DLC1: variants seen among roughly 807,000 people sequenced by gnomAD.
The protein encoded by DLC1 is rho GTPase-activating protein 7.
A neutral mutation model predicts 140.3 loss-of-function variants in DLC1; 54 were observed. The ratio of observed to expected loss-of-function variants is 0.38; its 90% CI spans 0.31 to 0.48. DLC1 has a LOEUF of 0.48. Among genes scored for constraint, DLC1 ranks in the 20% least tolerant of loss-of-function variants. DLC1 has a pLI of 0.96. For missense variants in DLC1, 2,536 were observed against 1,907.0 expected, an observed-to-expected ratio of 1.33 and a Z score of -6.14; for synonymous variants, 986 against 728.1, an observed-to-expected ratio of 1.35 and a Z score of -5.70.
chr8:13,102,298 T>C lies in DLC1; in HGVS notation c.1566+492A>G, dbSNP rs1199782625. Among the ~76,000 whole-genome samples the C allele has an allele frequency of 2.6e-5, 4 of 152,180 alleles. No individual in the cohort carries two copies. The East Asian group carries it at 7.7e-4, about 29-fold the overall frequency. On this transcript the variant is annotated intron_variant, in intron 8 of 17. Transcript: ENST00000276297. ...CACCATTTGACTAAACTGTGTGGGA[T>C]CTCCTGCCTTCTCCTCTTCCTCTTC...
chr8:13,146,132 G>A lies in DLC1; in HGVS notation c.1349-30475C>T, dbSNP rs560465943. Among the ~76,000 whole-genome samples the A allele has an allele frequency of 3.9e-5, 6 of 152,064 alleles. No homozygotes were observed. In the South Asian group the frequency reaches 8.3e-4, roughly 21 times the overall value. On this transcript the variant is annotated intron_variant, in intron 5 of 17. Transcript: ENST00000276297. ...TACCAAAAACACAAAAAAATTAGCCGGACATAGTCGTGTGTGCATGTAGTC... is the reference window on the plus strand; with the variant it reads ...TACCAAAAACACAAAAAAATTAGCCAGACATAGTCGTGTGTGCATGTAGTC...
At chr8:13,576,288 G>A (rs530848891) in intron 1 of DLC1, among the ~76,000 whole-genome samples, 9 of 152,302 alleles carry the variant, frequency 5.9e-5, no homozygotes, top group African/African-American at 2.2e-4. Context: ...GATTGCTAAA[G>A]CCTCTACAGT....
intron 3 of DLC1, among the ~76,000 whole-genome samples, chr8:13,399,101 C>G (rs1837179826): frequency 6.6e-6 from 1 of 152,168 alleles, no homozygotes; most frequent in South Asian, 2.1e-4. Context: ...TGTGTCTGAA[C>G]TTCCCTACGG....
At chr8:13,133,036 G>T (rs1227896281) in intron 5 of DLC1, 20 of 1,583,126 alleles carry the variant, frequency 1.3e-5, no homozygotes, top group Non-Finnish European at 1.6e-5. Context: ...AGGCGGAGGC[G>T]GCTCGGCTTC....
At chr8:13,160,511 G>C (rs1192882624) in intron 5 of DLC1, among the ~76,000 whole-genome samples, 1 of 152,132 alleles carries the variant, frequency 6.6e-6, no homozygotes, top group East Asian at 1.9e-4. Flanking sequence ...TAGAAGGCTG[G>C]GCATTCCCAT....
At chr8:13,420,956 C>G (rs1474231088) in intron 2 of DLC1, among the ~76,000 whole-genome samples, 1 of 152,090 alleles carries the variant, frequency 6.6e-6, no homozygotes, top group Non-Finnish European at 1.5e-5. Context: ...AGTTTGAGCT[C>G]TTGGACGCTT....
At chr8:13,461,468 G>A (rs184628635) in intron 2 of DLC1, among the ~76,000 whole-genome samples, 2 of 152,070 alleles carry the variant, frequency 1.3e-5, no homozygotes, top group Non-Finnish European at 2.9e-5. Context: ...CCAAGGGCAG[G>A]CCTCTGCCTT....
chr8:13,131,476 C>T (rs1822073299), intron 5 of DLC1, among the ~76,000 whole-genome samples: 1 of 152,324 alleles, frequency 6.6e-6, no homozygotes, highest in East Asian at 1.9e-4. Context: ...CCGAAACAAC[C>T]TCTGAATCCT....
chr8:13,104,228 G>T (rs1563605904), intron 7 of DLC1, among the ~76,000 whole-genome samples: 1 of 151,780 alleles, frequency 6.6e-6, no homozygotes, highest in Non-Finnish European at 1.5e-5. Flanking sequence ...AAGCACTCAG[G>T]TAAGACTCTT....
At chr8:13,212,797 A>G (rs1207451557) in intron 5 of DLC1, among the ~76,000 whole-genome samples, 1 of 152,166 alleles carries the variant, frequency 6.6e-6, no homozygotes, top group African/African-American at 2.4e-5. Flanking sequence ...CAATATCACC[A>G]TATAACAGCT....
chr8:13,089,190 CA>C lies in DLC1; in HGVS notation c.4075-487del, dbSNP rs1230219399. 2.0e-3 allele frequency among the ~76,000 whole-genome samples: 296 copies of C among 151,746 alleles called. 1 individual carries two copies. Among genetic ancestry groups the C allele is most frequent in the African/African-American group, 7.0e-3 (287 of 41,270 alleles). ...AGGAGAATCACTTGAACCTAGGAGG[CA>C]CTTTGCAGTGAGCTGAGATCACACC... On this transcript the variant is annotated intron_variant, in intron 15 of 17. Coordinates refer to ENST00000276297, the MANE Select transcript of DLC1 (RefSeq NM_182643.3).
intron 2 of DLC1, among the ~76,000 whole-genome samples, chr8:13,403,964 C>T (rs1417594279): frequency 2.0e-5 from 3 of 151,944 alleles, no homozygotes; most frequent in African/African-American, 7.2e-5. Context: ...GTGAATCAAA[C>T]ATTTTTGAAA....
At chr8:13,266,507 G>C (rs1470668610) in intron 5 of DLC1, among the ~76,000 whole-genome samples, 1 of 152,186 alleles carries the variant, frequency 6.6e-6, no homozygotes, top group African/African-American at 2.4e-5. Context: ...CACTTTGGGA[G>C]GCTGAGGCAG....
At chr8:13,461,546 T>C (rs1428029447) in intron 2 of DLC1, among the ~76,000 whole-genome samples, 1 of 152,260 alleles carries the variant, frequency 6.6e-6, no homozygotes, top group Non-Finnish European at 1.5e-5. Context: ...TTATCTTCTG[T>C]AGTTTTTAAT....
At chr8:13,581,520 C>A (rs186604360) in intron 1 of DLC1, among the ~76,000 whole-genome samples, 1 of 152,148 alleles carries the variant, frequency 6.6e-6, no homozygotes, top group East Asian at 1.9e-4. Context: ...AACAGCTAAC[C>A]CTGTATTTTC....
At chr8:13,132,476 A>T (rs911126867) in intron 5 of DLC1, among the ~76,000 whole-genome samples, 2 of 152,228 alleles carry the variant, frequency 1.3e-5, no homozygotes, top group African/African-American at 4.8e-5. Flanking sequence ...AATGTTCCCA[A>T]ACAGTAAACT....
chr8:13,600,980 T>G (rs192065449), intron 1 of DLC1, among the ~76,000 whole-genome samples: 1 of 152,008 alleles, frequency 6.6e-6, no homozygotes, highest in African/African-American at 2.4e-5. Flanking sequence ...TATTTGTTTA[T>G]TCAGTACTTC....
In DLC1 at chr8:13,382,529, A is replaced by AAG. The variant is rs59311489; in HGVS notation, c.1314+11023_1314+11024insCT. On this transcript the variant is annotated intron_variant, in intron 4 of 17. Transcript: ENST00000276297. ...TCAAAAAAAAAAAAAAAAAAAAAAA[A>AAG]AAAGAAAGAGGAGACAGATAAGCTA... Among the ~76,000 whole-genome samples, 122 of 109,416 alleles carry AAG rather than the reference A, an allele frequency of 1.1e-3. 8 individuals carry two copies. The highest frequency in any genetic ancestry group is 1.7e-3 in the South Asian group (6 of 3,554). 71.8% of individuals were successfully genotyped at this position (109,416 alleles called of 152,430 possible). A position where few individuals can be genotyped will look rare whatever the true frequency, so the allele number is the denominator to read the frequency against.
chr8:13,318,940 G>T (rs1832973124), intron 4 of DLC1, among the ~76,000 whole-genome samples: 1 of 152,196 alleles, frequency 6.6e-6, no homozygotes. Flanking sequence ...ATGCTCTGTG[G>T]TTTAGCCTCA....
Sources: allele counts gnomAD v4.1 joint callset (sites outside exome capture counted in the v4.1 genomes callset), GRCh38; gene constraint gnomAD v4.1.1; transcripts MANE v1.5; gene names NCBI Gene and HGNC (gene_info 2026-07-23, HGNC 2026-07-21).